The following TTC12 variants were observed in gnomAD, a reference collection of about 807,000 sequenced individuals.
TTC12 encodes the protein tetratricopeptide repeat domain 12, also known as tetratricopeptide repeat protein 12.
TTC12 carries 70 observed loss-of-function variants against 90.1 expected under a neutral mutation model. The observed-to-expected ratio is 0.78, with a 90% confidence interval of 0.64 to 0.95. TTC12 has a LOEUF of 0.95. TTC12 is among the 40% of genes least tolerant of loss of function. TTC12 has a pLI of 0.00. For synonymous variants in TTC12, 296 were observed against 311.5 expected, an observed-to-expected ratio of 0.95 and a Z score of 0.53; for missense variants, 819 against 846.1, an observed-to-expected ratio of 0.97 and a Z score of 0.40.
chr11:113,368,308 C>G (rs1270812803), downstream of TTC12: 4 of 1,541,716 alleles, frequency 2.6e-6, no homozygotes, highest in Non-Finnish European at 3.5e-6. Flanking sequence ...CAGTGTGGAT[C>G]CACCCCCGCC....
At chr11:113,364,004 C>A (rs1386484760) in intron 20 of TTC12, 77 bp downstream of exon 20, 9 of 957,728 alleles carry the variant, frequency 9.4e-6, no homozygotes, top group South Asian at 4.5e-5. Context: ...GAACTGTGGT[C>A]GAGGAGGAAC....
chr11:113,339,090 C>CA (rs1392492983), intron 9 of TTC12, among the ~76,000 whole-genome samples, 196 bp from the exon 10 acceptor site: 2 of 152,156 alleles, frequency 1.3e-5, no homozygotes, highest in Non-Finnish European at 2.9e-5. Flanking sequence ...CTTGAATCCC[C>CA]AACAAGGTTT....
intron 18 of TTC12, among the ~76,000 whole-genome samples, chr11:113,361,483 C>G (rs1949918725): frequency 6.6e-6 from 1 of 152,148 alleles, no homozygotes; most frequent in Non-Finnish European, 1.5e-5. Flanking sequence ...GCAGGTTTGC[C>G]TTATAATACC....
intron 16 of TTC12, among the ~76,000 whole-genome samples, chr11:113,358,711 C>T (rs1555153428): frequency 6.6e-6 from 1 of 152,162 alleles, no homozygotes; most frequent in Non-Finnish European, 1.5e-5. Context: ...GGCTTGCCAC[C>T]CCTACCACTT....
At chr11:113,370,048 G>T (rs1950340950), downstream of TTC12, among the ~76,000 whole-genome samples, 1 of 152,218 alleles carries the variant, frequency 6.6e-6, no homozygotes, top group South Asian at 2.1e-4. Flanking sequence ...CCCCATGGCA[G>T]CAGGGCCTGA....
intron 2 of TTC12, among the ~76,000 whole-genome samples, chr11:113,322,184 A>C (rs1947378189): frequency 6.6e-6 from 1 of 152,248 alleles, no homozygotes; most frequent in Non-Finnish European, 1.5e-5. Flanking sequence ...GTGGGAAATG[A>C]AGAAATTAGA....
At chr11:113,323,796 C>G (rs1555139744) in intron 3 of TTC12, among the ~76,000 whole-genome samples, 198 bp from the exon 4 acceptor site, 1 of 152,126 alleles carries the variant, frequency 6.6e-6, no homozygotes, top group South Asian at 2.1e-4. Context: ...TTTGCAGACT[C>G]GGTCCCATAG....
chr11:113,324,700 C>T lies in TTC12; in HGVS notation c.322+18C>T, dbSNP rs189420739. The T allele has an allele frequency of 2.5e-6, 4 of 1,606,126 alleles. No individual in the cohort carries two copies. In the African/African-American group the frequency reaches 5.3e-5, roughly 21 times the overall value. On this transcript the variant is annotated intron_variant, in intron 5 of 21. Transcript: ENST00000529221. Reference sequence around the variant, plus strand: ...GGCGGATGGTAATTGTCAGTCCTTACTTTTCAATGGCTGGGATGATTTGTG... The same window carrying T: ...GGCGGATGGTAATTGTCAGTCCTTATTTTTCAATGGCTGGGATGATTTGTG...
chr11:113,332,632 C>T (rs891791467), intron 7 of TTC12, among the ~76,000 whole-genome samples: 2 of 152,102 alleles, frequency 1.3e-5, no homozygotes, highest in Non-Finnish European at 2.9e-5. Flanking sequence ...CAGCTCTCTT[C>T]TCCTCTCATG....
intron 4 of TTC12, 107 bp downstream of exon 4, chr11:113,324,122 C>A: frequency 1.1e-6 from 1 of 877,962 alleles, no homozygotes; most frequent in Non-Finnish European, 1.8e-6. Context: ...TTACAAACAA[C>A]CTGTGAACAA....
intron 19 of TTC12, among the ~76,000 whole-genome samples, chr11:113,363,594 C>T (rs1555156106): frequency 6.6e-6 from 1 of 152,158 alleles, no homozygotes. Flanking sequence ...CTCAGGTGTA[C>T]ATGACAGGCC....
chr11:113,371,417 A>G (rs1208195522), intron 21 of TTC12: 2 of 151,976 alleles, frequency 1.3e-5, no homozygotes, highest in African/African-American at 4.8e-5. Flanking sequence ...TTTTTCCCCA[A>G]ATATTTTTGA....
At chr11:113,337,703 A>G (rs530123627) in intron 8 of TTC12, among the ~76,000 whole-genome samples, 67 of 152,332 alleles carry the variant, frequency 4.4e-4, no homozygotes, top group Admixed American at 1.2e-3. Context: ...CATATTTTAA[A>G]GGATTACTCT....
chr11:113,359,348 GT>G lies in TTC12; in HGVS notation c.1447-11del. Reference sequence around the variant, plus strand: ...AGGCAAAAAGGTCATTGGTTACCTTGTTTTGTTTCCCAAGGCCAGGTGTGAG... The same window carrying G: ...AGGCAAAAAGGTCATTGGTTACCTTGTTTGTTTCCCAAGGCCAGGTGTGAG... On this transcript the variant is annotated splice_polypyrimidine_tract_variant and intron_variant, in intron 16 of 21. Transcript: ENST00000529221. The G allele has an allele frequency of 6.3e-7, 1 of 1,581,084 alleles. No individual in the cohort carries two copies. Among genetic ancestry groups the G allele is most frequent in the Non-Finnish European group, 8.7e-7 (1 of 1,152,398 alleles).
downstream of TTC12, chr11:113,368,613 C>A (rs1950291169): frequency 2.0e-6 from 2 of 994,544 alleles, no homozygotes; most frequent in Non-Finnish European, 3.1e-6. Flanking sequence ...TGTCTTCATA[C>A]ATGACGTGAG....
At chr11:113,316,474 CAG>C (rs1946947114) in intron 2 of TTC12, among the ~76,000 whole-genome samples, 159 bp downstream of exon 2, 2 of 152,220 alleles carry the variant, frequency 1.3e-5, no homozygotes, top group African/African-American at 4.8e-5. Context: ...GTTATAGCCT[CAG>C]GGCTGTATTT....
intron 7 of TTC12, among the ~76,000 whole-genome samples, chr11:113,332,421 C>G (rs17115371): frequency 2.0e-5 from 3 of 152,186 alleles, no homozygotes; most frequent in African/African-American, 4.8e-5. Context: ...GCTTGGGGCT[C>G]GGTTTCCCCC....
At chr11:113,348,540 T>A (rs1555148915) in intron 13 of TTC12, among the ~76,000 whole-genome samples, 1 of 152,196 alleles carries the variant, frequency 6.6e-6, no homozygotes, top group East Asian at 1.9e-4. Context: ...TTGTACTACC[T>A]GCTCCAATCC....
chr11:113,320,971 G>A (rs797041964), intron 2 of TTC12, among the ~76,000 whole-genome samples: 1 of 151,980 alleles, frequency 6.6e-6, no homozygotes, highest in African/African-American at 2.4e-5. Context: ...TGAGCCCAGG[G>A]GTTCAAATCG....
Sources: allele counts gnomAD v4.1 joint callset (sites outside exome capture counted in the v4.1 genomes callset), GRCh38; gene constraint gnomAD v4.1.1; transcripts MANE v1.5; gene names NCBI Gene and HGNC (gene_info 2026-07-23, HGNC 2026-07-21).